Variants in N4BP2L1 observed in about 807,000 individuals in gnomAD.
N4BP2L1 encodes the protein NEDD4 binding protein 2 like 1.
Under a neutral mutation model 21.2 loss-of-function variants are expected in N4BP2L1, and 12 were observed. The ratio of observed to expected loss-of-function variants is 0.57; its 90% CI spans 0.36 to 0.92. N4BP2L1 has a LOEUF of 0.92. Among genes scored for constraint, N4BP2L1 ranks in the 40% least tolerant of loss-of-function variants. N4BP2L1 has a pLI of 0.01. For synonymous variants in N4BP2L1, 104 were observed against 112.8 expected (o/e 0.92, Z 0.49); for missense variants, 259 against 310.6 (o/e 0.83, Z 1.25).
intron 1 of N4BP2L1, among the ~76,000 whole-genome samples, chr13:32,412,689 T>TCCTAAATTCTTTATC (rs2073928292): frequency 6.6e-6 from 1 of 151,826 alleles, no homozygotes; most frequent in Non-Finnish European, 1.5e-5. Context: ...GATACTTTAT[T>TCCTAAATTCTTTATC]CCTAAATTCT....
chr13:32,403,737 G>A, intron 4 of N4BP2L1: 1 of 536,148 alleles, frequency 1.9e-6, no homozygotes, highest in South Asian at 1.4e-5. Context: ...GTAGTCCACA[G>A]ATCCACTTTG....
At chr13:32,411,578 A>G in intron 1 of N4BP2L1, 2 of 985,350 alleles carry the variant, frequency 2.0e-6, no homozygotes. Flanking sequence ...TTCTATCTTT[A>G]TGGTGGTCAG....
chr13:32,414,731 C>A (rs2074034098), intron 1 of N4BP2L1, among the ~76,000 whole-genome samples: 1 of 152,122 alleles, frequency 6.6e-6, no homozygotes, highest in South Asian at 2.1e-4. Flanking sequence ...TGAAGTAAAT[C>A]ATTTACTTTT....
At chr13:32,408,261 C>A (rs1470147761) in intron 1 of N4BP2L1, among the ~76,000 whole-genome samples, 1 of 152,158 alleles carries the variant, frequency 6.6e-6, no homozygotes, top group Non-Finnish European at 1.5e-5. Flanking sequence ...TCTGTAAGGA[C>A]CCATCTGAGA....
Position 32,401,630 on chromosome 13 carries a change from C to A in N4BP2L1, c.*1312G>T, listed in dbSNP as rs1434657185. On this transcript the variant is annotated 3_prime_UTR_variant, in exon 5 of 5. Coordinates refer to ENST00000380130, the MANE Select transcript of N4BP2L1 (RefSeq NM_052818.3). The stretch of plus-strand genomic sequence containing the variant: ...ATTAAAAAAAAGACTGGTAAATAAG[C>A]CTGTGATACAGAAAAACTGGTATAT... The A allele has an allele frequency of 2.0e-5, 3 of 152,458 alleles. No individual in the cohort carries two copies. The allele number at this position is 152,458 out of a possible 1,614,324, so 9.4% of individuals were successfully genotyped here.
At chr13:32,411,383 T>G (rs557271176) in intron 1 of N4BP2L1, 266 of 359,510 alleles carry the variant, frequency 7.4e-4, no homozygotes, top group African/African-American at 5.6e-3. Context: ...AAACTTGTTT[T>G]ATCTCCACCT....
In N4BP2L1 at chr13:32,402,460, C is replaced by G; in HGVS notation, c.*482G>C. ...AATCAGTATCATAAGAGTCGCACAT[C>G]TCACATTTTTAGATACATAGATTAT... On this transcript the variant is annotated 3_prime_UTR_variant, in exon 5 of 5. Transcript: ENST00000380130. 1.0e-6 allele frequency: 1 copy of G among 971,658 alleles called. No individual in the cohort carries two copies. Among genetic ancestry groups the G allele is most frequent in the Non-Finnish European group, 1.2e-6 (1 of 817,864 alleles). 60.2% of individuals were successfully genotyped at this position (971,658 alleles called of 1,614,324 possible). A position where few individuals can be genotyped will look rare whatever the true frequency, so the allele number is the denominator to read the frequency against.
chr13:32,408,717 A>G (rs1392706776), intron 1 of N4BP2L1, among the ~76,000 whole-genome samples: 1 of 152,244 alleles, frequency 6.6e-6, no homozygotes, highest in Non-Finnish European at 1.5e-5. Flanking sequence ...CATGCTCAGA[A>G]TAAGAAGATA....
chr13:32,404,246 A>G (rs1324512825), intron 4 of N4BP2L1, 75 bp downstream of exon 4: 2 of 1,588,178 alleles, frequency 1.3e-6, no homozygotes, highest in Non-Finnish European at 1.7e-6. Flanking sequence ...CAGCCTGAAA[A>G]GATTCTTTTG....
intron 1 of N4BP2L1, among the ~76,000 whole-genome samples, chr13:32,424,552 T>G (rs2074659570): frequency 6.6e-6 from 1 of 152,174 alleles, no homozygotes. Flanking sequence ...GTGCTAAAGG[T>G]CTTATAAGTA....
rs1318232886 is a variant in N4BP2L1, at chr13:32,401,770, A to G, written c.*1172T>C. ...ATTTACAATTTTTAATAACCATAAA[A>G]GCACCATTATATAAGACACTTAAAA... On this transcript the variant is annotated 3_prime_UTR_variant, in exon 5 of 5. Transcript: ENST00000380130. 4.5e-6 allele frequency: 1 copy of G among 222,684 alleles called. No homozygotes were observed. Among genetic ancestry groups the G allele is most frequent in the African/African-American group, 2.3e-5 (1 of 42,776 alleles). 13.8% of individuals were successfully genotyped at this position (222,684 alleles called of 1,614,324 possible).
chr13:32,416,052 C>CT (rs1174167776), intron 1 of N4BP2L1: 1 of 152,186 alleles, frequency 6.6e-6, no homozygotes, highest in African/African-American at 2.4e-5. Flanking sequence ...CATAAACACT[C>CT]AATAAATACT....
chr13:32,416,459 C>T (rs1265688433), intron 1 of N4BP2L1: 2 of 152,164 alleles, frequency 1.3e-5, no homozygotes, highest in Non-Finnish European at 1.5e-5. Flanking sequence ...TGCAATTTTC[C>T]ATATCATGAA....
chr13:32,402,172 C>T lies in N4BP2L1; in HGVS notation c.*770G>A, dbSNP rs2073164970. The stretch of plus-strand genomic sequence containing the variant: ...TTTAAAAGTTAGTGTTTTATGAAGG[C>T]AGGCTTATTTTATTTACACTATTAG... On this transcript the variant is annotated 3_prime_UTR_variant, in exon 5 of 5. Transcript: ENST00000380130. The T allele has an allele frequency of 1.0e-6, 1 of 984,600 alleles. No individual in the cohort carries two copies. Among genetic ancestry groups the T allele is most frequent in the African/African-American group, 1.7e-5 (1 of 57,210 alleles). 61.0% of individuals were successfully genotyped at this position (984,600 alleles called of 1,614,324 possible).
Position 32,418,412 on chromosome 13 carries a change from T to C in N4BP2L1, c.179+9492A>G, listed in dbSNP as rs11842757. On this transcript the variant is annotated intron_variant, in intron 1 of 4. Transcript: ENST00000380130. ...CTCCACTTAGATTTCAGAAGATGTA[T>C]GGAAATGCCTGGATTTCCAGGCAGA... 9.2e-3 allele frequency among the ~76,000 whole-genome samples: 1,405 copies of C among 152,300 alleles called. 22 individuals carry two copies. The highest frequency in any genetic ancestry group is 0.031 in the African/African-American group (1,285 of 41,550).
At chr13:32,407,516 G>C in intron 2 of N4BP2L1, 129 bp downstream of exon 2, 3 of 1,590,206 alleles carry the variant, frequency 1.9e-6, no homozygotes, top group Non-Finnish European at 2.6e-6. Context: ...ATGCTCTGGT[G>C]TTCTGTTTTG....
chr13:32,411,847 T>C, intron 1 of N4BP2L1: 1 of 903,470 alleles, frequency 1.1e-6, no homozygotes, highest in Non-Finnish European at 1.3e-6. Context: ...AAGTCAGACA[T>C]TGCATGTAAT....
At position 32,427,261 on chromosome 13, in the gene N4BP2L1, G is replaced by A. The variant is rs1332128417; in HGVS notation, c.179+643C>T. 3.9e-5 allele frequency among the ~76,000 whole-genome samples: 6 copies of A among 152,276 alleles called. No individual in the cohort carries two copies. In the East Asian group the frequency reaches 5.8e-4, roughly 15 times the overall value. ...CGCCCCCGTGCACCTGTGCGCCTTC[G>A]CAGCTGCCAAAGCAAACGCAGGCTC... On this transcript the variant is annotated intron_variant, in intron 1 of 4. Coordinates refer to ENST00000380130, the MANE Select transcript of N4BP2L1 (RefSeq NM_052818.3).
chr13:32,411,796 A>G lies in N4BP2L1; in HGVS notation c.180-4024T>C, dbSNP rs371008786. The G allele has an allele frequency of 3.1e-6, 3 of 973,948 alleles. No individual in the cohort carries two copies. In the African/African-American group the frequency reaches 5.3e-5, roughly 17 times the overall value. 60.3% of individuals were successfully genotyped at this position (973,948 alleles called of 1,614,324 possible). A position where few individuals can be genotyped will look rare whatever the true frequency, so the allele number is the denominator to read the frequency against. ...TTTAATAATAGAGAACCATAGAGATATATTTAGATATCTCTTCAGCCAGTC... is the reference window on the plus strand; with the variant it reads ...TTTAATAATAGAGAACCATAGAGATGTATTTAGATATCTCTTCAGCCAGTC... On this transcript the variant is annotated intron_variant, in intron 1 of 4. Transcript: ENST00000380130.
Sources: allele counts gnomAD v4.1 joint callset (sites outside exome capture counted in the v4.1 genomes callset), GRCh38; gene constraint gnomAD v4.1.1; transcripts MANE v1.5; gene names NCBI Gene and HGNC (gene_info 2026-07-23, HGNC 2026-07-21).